Variants in ECH1 observed in about 807,000 individuals in gnomAD.
The protein encoded by ECH1 is delta(3,5)-Delta(2,4)-dienoyl-CoA isomerase, mitochondrial.
A neutral mutation model predicts 37.0 loss-of-function variants in ECH1; 30 were observed. The observed-to-expected ratio is 0.81, with a 90% CI of 0.61 to 1.10. The LOEUF is 1.10. ECH1 is among the 50% of genes least tolerant of loss of function. The pLI is 0.00. For missense variants in ECH1, 456 were observed against 441.6 expected (o/e 1.03, Z -0.29); for synonymous variants, 178 against 176.0 (o/e 1.01, Z -0.09).
At position 38,817,634 on chromosome 19, in the gene ECH1, C is replaced by T. The variant is rs149140462; in HGVS notation, c.350-59G>A. On this transcript the variant is annotated intron_variant, in intron 3 of 9. Coordinates refer to ENST00000221418, the MANE Select transcript of ECH1 (RefSeq NM_001398.3). ...TCCCAGGCCCCACCCATTGACTCAA[C>T]CAGGGATCAGAACCCAGGCACAGCA... 1.9e-4 allele frequency: 293 copies of T among 1,530,870 alleles called. No homozygotes were observed. In the South Asian group the frequency reaches 2.3e-3, roughly 12 times the overall value. The allele number at this position is 1,530,870 out of a possible 1,614,324, so 94.8% of individuals were successfully genotyped here. A position where few individuals can be genotyped will look rare whatever the true frequency, so the allele number is the denominator to read the frequency against.
chr19:38,818,932 T>TGTGTGTGTGTGTGTGC (rs144733422), intron 3 of ECH1, among the ~76,000 whole-genome samples: 1 of 142,752 alleles, frequency 7.0e-6, no homozygotes, highest in African/African-American at 2.6e-5. Context: ...TGTGTGTGTG[T>TGTGTGTGTGTGTGTGC]GCACTGTTCC....
intron 3 of ECH1, among the ~76,000 whole-genome samples, chr19:38,818,932 T>TGAGCGCGCGCGCAC (rs144733422): frequency 7.0e-6 from 1 of 142,752 alleles, no homozygotes. Flanking sequence ...TGTGTGTGTG[T>TGAGCGCGCGCGCAC]GCACTGTTCC....
rs780730678 is a variant in ECH1, at chr19:38,815,981, A to G, written c.758T>C (p.Met253Thr). 3 of 1,613,778 alleles carry G rather than the reference A, an allele frequency of 1.9e-6. No individual in the cohort carries two copies. Among genetic ancestry groups the G allele is most frequent in the Admixed American group, 1.7e-5 (1 of 60,018 alleles). ...CGCCAGCGCTAAGGCAGCATCCAGC[A>G]TGACCTCTTTGTCTGGGAACACCCG... ...VSRVFPDKEV[M>T]LDAALALAAE... is the part of the protein sequence containing the mutation. The change falls in exon 9 of 10, where the codon ATG becomes ACG. Residue 253 changes from methionine to threonine, a missense_variant. Coordinates refer to ENST00000221418, the MANE Select transcript of ECH1 (RefSeq NM_001398.3).
rs775984523 is a variant in ECH1, at chr19:38,831,437, T to G, written c.132A>C (p.Gly44=). The change falls in exon 2 of 10, where the codon GGA becomes GGC. Residue 44 remains glycine, a synonymous_variant. Transcript: ENST00000221418. The part of the protein sequence containing the change: ...TGSSAQEEAS[G]VALGEAPDHS... The stretch of plus-strand genomic sequence containing the variant: ...GGTCTGGGGCTTCACCGAGGGCTAC[T>G]CCGGAAGCCTCCTCTTGTGCAGAGG... 1.2e-6 allele frequency: 2 copies of G among 1,614,054 alleles called. No homozygotes were observed. The highest frequency in any genetic ancestry group is 1.7e-6 in the Non-Finnish European group (2 of 1,180,014).
intron 3 of ECH1, among the ~76,000 whole-genome samples, chr19:38,824,405 A>T (rs1344756770): frequency 6.6e-6 from 1 of 152,178 alleles, no homozygotes; most frequent in African/African-American, 2.4e-5. Flanking sequence ...GGAGAAACAA[A>T]ACAAACCAAA....
chr19:38,819,021 A>C (rs1328362131), intron 3 of ECH1: 1 of 687,360 alleles, frequency 1.5e-6, no homozygotes. Context: ...GGGCACGTGC[A>C]TTTGAGCCCA....
At chr19:38,827,316 A>C (rs1253995310) in intron 3 of ECH1, among the ~76,000 whole-genome samples, 1 of 149,194 alleles carries the variant, frequency 6.7e-6, no homozygotes, top group Non-Finnish European at 1.5e-5. Flanking sequence ...CAGTGTATGA[A>C]ATATTTTGCT....
Position 38,815,737 on chromosome 19 carries a change from G to C in ECH1, c.883-20C>G. 1 of 1,614,170 alleles carries C rather than the reference G, an allele frequency of 6.2e-7. No individual in the cohort carries two copies. The highest frequency in any genetic ancestry group is 8.5e-7 in the Non-Finnish European group (1 of 1,180,002). ...GGACGCCTGGTACCGAGGGTGTTGA[G>C]AGAGAACGAGGAGAGAGATTAGCAG... On this transcript the variant is annotated intron_variant, in intron 9 of 9. Transcript: ENST00000221418.
intron 3 of ECH1, among the ~76,000 whole-genome samples, chr19:38,826,067 T>A (rs1157739885): frequency 6.6e-6 from 1 of 152,230 alleles, no homozygotes; most frequent in African/African-American, 2.4e-5. Context: ...ATCCGATGAA[T>A]CCTGGGACAG....
At chr19:38,822,541 C>T (rs892568261) in intron 3 of ECH1, among the ~76,000 whole-genome samples, 1 of 150,110 alleles carries the variant, frequency 6.7e-6, no homozygotes, top group Non-Finnish European at 1.5e-5. Flanking sequence ...ATTGTAAATA[C>T]ACCAATCAGC....
chr19:38,823,794 T>C (rs1971699797), intron 3 of ECH1, among the ~76,000 whole-genome samples: 1 of 152,232 alleles, frequency 6.6e-6, no homozygotes, highest in South Asian at 2.1e-4. Context: ...CGGGTCCTAA[T>C]GCCTGCCAGA....
chr19:38,817,144 C>T lies in ECH1; in HGVS notation c.524-15G>A. On this transcript the variant is annotated splice_polypyrimidine_tract_variant and intron_variant, in intron 5 of 9. Transcript: ENST00000221418. ...AAGGTCCACACCTAGGAGGTAGAGG[C>T]CAGGGATGCTGAATGACCACCAGAA... is the stretch of plus-strand genomic sequence containing the variant. The T allele has an allele frequency of 6.4e-7, 1 of 1,562,862 alleles. No individual in the cohort carries two copies. The highest frequency in any genetic ancestry group is 8.7e-7 in the Non-Finnish European group (1 of 1,153,530).
At position 38,817,468 on chromosome 19, in the gene ECH1, AG is replaced by A. The variant is rs1971596676; in HGVS notation, c.456del (p.Phe153SerfsTer11). 6.2e-7 allele frequency: 1 copy of A among 1,613,808 alleles called. No individual in the cohort carries two copies. Among genetic ancestry groups the A allele is most frequent in the Admixed American group, 1.7e-5 (1 of 59,968 alleles). On this transcript the variant is annotated frameshift_variant, in exon 4 of 10. Coordinates refer to ENST00000221418, the MANE Select transcript of ECH1 (RefSeq NM_001398.3). LOFTEE classifies it high-confidence loss of function. The part of the protein sequence containing the change: ...LRDIITRYQE[T>X]FNVIERCPKP... ...AGAGTCACCCTCTCGATGACGTTGA[AG>A]GTCTCCTGGTATCGAGTGATGATGT...
rs374422461 is a variant in ECH1 at position 38,815,841 on chromosome 19, G to A, written c.882+16C>T. ...GGTTAGAGGAGGGCTGTGATTGGTC[G>A]GAGCGTGCACCTTACCACGTAGTTG... is the stretch of plus-strand genomic sequence containing the variant. On this transcript the variant is annotated intron_variant, in intron 9 of 9. Transcript: ENST00000221418. The A allele has an allele frequency of 7.6e-5, 122 of 1,613,890 alleles. No individual in the cohort carries two copies. The Admixed American group carries it at 9.5e-4, about 13-fold the overall frequency.
intron 3 of ECH1, among the ~76,000 whole-genome samples, chr19:38,819,802 T>G (rs917285829): frequency 5.9e-5 from 9 of 151,832 alleles, no homozygotes; most frequent in African/African-American, 9.7e-5. Context: ...AAAAATTAGC[T>G]GCACATGAGG....
intron 3 of ECH1, chr19:38,820,141 A>G (rs1001534329): frequency 2.1e-5 from 5 of 236,368 alleles, no homozygotes; most frequent in East Asian, 1.9e-4. Flanking sequence ...GCTCACTGCA[A>G]GCTCCGCCTC....
At chr19:38,824,825 T>C (rs1971715679) in intron 3 of ECH1, among the ~76,000 whole-genome samples, 1 of 151,736 alleles carries the variant, frequency 6.6e-6, no homozygotes, top group African/African-American at 2.4e-5. Context: ...TCCTCTAATC[T>C]CCCCTGCCCA....
At chr19:38,816,621 C>T in intron 6 of ECH1, 98 bp from the exon 7 acceptor site, 1 of 1,391,334 alleles carries the variant, frequency 7.2e-7, no homozygotes, top group Non-Finnish European at 1.0e-6. Flanking sequence ...GAGAGTCCCG[C>T]CCCACCTTCA....
intron 3 of ECH1, among the ~76,000 whole-genome samples, chr19:38,818,932 T>TGTGTGTGTGTGTGTGCGCGCGCGCGCAC (rs144733422): frequency 1.4e-5 from 2 of 142,752 alleles, no homozygotes; most frequent in African/African-American, 2.6e-5. Context: ...TGTGTGTGTG[T>TGTGTGTGTGTGTGTGCGCGCGCGCGCAC]GCACTGTTCC....
Sources: allele counts gnomAD v4.1 joint callset (sites outside exome capture counted in the v4.1 genomes callset), GRCh38; gene constraint gnomAD v4.1.1; transcripts MANE v1.5; gene names NCBI Gene and HGNC (gene_info 2026-07-23, HGNC 2026-07-21).